SLC9A9: variants seen among roughly 807,000 people sequenced by gnomAD.
The protein encoded by SLC9A9 is solute carrier family 9 member A9, also known as sodium/hydrogen exchanger 9.
In SLC9A9, 62 loss-of-function variants were observed where a neutral mutation model predicts 77.8. The observed-to-expected ratio is 0.80, with a 90% confidence interval of 0.65 to 0.98. The LOEUF (loss-of-function observed/expected upper bound fraction) is 0.98, where lower values mean the gene tolerates loss of function less well. Ranked by LOEUF, SLC9A9 falls within the 50% of genes least tolerant of loss-of-function variation. The probability of loss-of-function intolerance (pLI) is 0.00; values close to 1 mark genes in which losing one functional copy is unlikely to be tolerated. For synonymous variants in SLC9A9, 320 were observed against 283.5 expected (o/e 1.13, Z -1.29); for missense variants, 775 against 774.9 (o/e 1.00, Z 0.00).
intron 5 of SLC9A9, among the ~76,000 whole-genome samples, chr3:143,688,645 T>C (rs758161737): frequency 1.2e-4 from 18 of 152,094 alleles, no homozygotes; most frequent in Non-Finnish European, 2.2e-4. Flanking sequence ...AGCAATGACA[T>C]AGTGACCAGG....
Position 143,514,826 on chromosome 3 carries a change from C to T in SLC9A9, c.1090-19378G>A, listed in dbSNP as rs144954103. On this transcript the variant is annotated intron_variant, in intron 9 of 15. Coordinates refer to ENST00000316549, the MANE Select transcript of SLC9A9 (RefSeq NM_173653.4). ...TCTATCCAGACCACTAAAACTTTCTCTATATCAGCAGTAAGACTGTTTTGC... is the reference window on the plus strand; with the variant it reads ...TCTATCCAGACCACTAAAACTTTCTTTATATCAGCAGTAAGACTGTTTTGC... Among the ~76,000 whole-genome samples the T allele has an allele frequency of 8.1e-3, 1,233 of 152,298 alleles. 21 individuals carry two copies. Among genetic ancestry groups the T allele is most frequent in the African/African-American group, 0.028 (1,170 of 41,550 alleles).
At chr3:143,396,441 T>A in intron 12 of SLC9A9, among the ~76,000 whole-genome samples, 1 of 152,084 alleles carries the variant, frequency 6.6e-6, no homozygotes, top group East Asian at 1.9e-4. Flanking sequence ...CACAGCCTGT[T>A]GTGGGTTGGG....
intron 11 of SLC9A9, among the ~76,000 whole-genome samples, chr3:143,471,265 T>G (rs2035374080): frequency 6.6e-6 from 1 of 152,224 alleles, no homozygotes; most frequent in South Asian, 2.1e-4. Flanking sequence ...CTATTGTCTA[T>G]GTCCTACCCA....
At chr3:143,310,980 C>T (rs1435859897) in intron 14 of SLC9A9, among the ~76,000 whole-genome samples, 1 of 152,134 alleles carries the variant, frequency 6.6e-6, no homozygotes, top group Admixed American at 6.6e-5. Context: ...AGGAAGTAGG[C>T]GCCCAGAAAG....
chr3:143,755,822 T>C (rs1477127410), intron 4 of SLC9A9, among the ~76,000 whole-genome samples: 1 of 151,974 alleles, frequency 6.6e-6, no homozygotes, highest in Non-Finnish European at 1.5e-5. Flanking sequence ...TATGTACAAA[T>C]GCATGTGTGT....
chr3:143,673,854 T>C (rs2039195749), intron 5 of SLC9A9, among the ~76,000 whole-genome samples: 1 of 152,082 alleles, frequency 6.6e-6, no homozygotes, highest in South Asian at 2.1e-4. Flanking sequence ...TAAATATAAT[T>C]TTATTAATTT....
At chr3:143,751,552 T>G (rs2006717620) in intron 4 of SLC9A9, among the ~76,000 whole-genome samples, 1 of 152,054 alleles carries the variant, frequency 6.6e-6, no homozygotes, top group African/African-American at 2.4e-5. Context: ...CCCCACTCCT[T>G]GGGGTCAGCT....
chr3:143,540,762 A>C (rs1343463657), intron 9 of SLC9A9, among the ~76,000 whole-genome samples: 1 of 152,168 alleles, frequency 6.6e-6, no homozygotes, highest in Non-Finnish European at 1.5e-5. Context: ...AGACTATAAA[A>C]TCTGATTAAT....
At chr3:143,728,120 G>A (rs549668844) in intron 4 of SLC9A9, among the ~76,000 whole-genome samples, 1 of 152,288 alleles carries the variant, frequency 6.6e-6, no homozygotes, top group South Asian at 2.1e-4. Context: ...CATTTCTAAG[G>A]ACAGCAACTA....
chr3:143,606,362 G>A (rs578000568), intron 6 of SLC9A9, among the ~76,000 whole-genome samples: 1 of 148,964 alleles, frequency 6.7e-6, no homozygotes, highest in South Asian at 2.1e-4. Flanking sequence ...AGTGAGCTGA[G>A]GTGGTGCCAC....
intron 14 of SLC9A9, among the ~76,000 whole-genome samples, chr3:143,338,072 C>CA (rs1299800432): frequency 1.3e-5 from 2 of 152,274 alleles, no homozygotes; most frequent in Admixed American, 1.3e-4. Context: ...AACATATACT[C>CA]ACATATCTTT....
rs1209589283 is a variant in SLC9A9, at chr3:143,563,966, A to G, written c.1000+10122T>C. Among the ~76,000 whole-genome samples the G allele has an allele frequency of 2.0e-5, 3 of 152,136 alleles. No individual in the cohort carries two copies. The East Asian group carries it at 5.8e-4, about 29-fold the overall frequency. ...CTTGACCTCTATCTCCTCAAGAGCT[A>G]GGTTCCTGACCTGCTGTCTTATCGC... is the stretch of plus-strand genomic sequence containing the variant. On this transcript the variant is annotated intron_variant, in intron 8 of 15. Transcript: ENST00000316549.
intron 12 of SLC9A9, among the ~76,000 whole-genome samples, chr3:143,401,934 G>A (rs1259050351): frequency 6.6e-6 from 1 of 152,154 alleles, no homozygotes; most frequent in Non-Finnish European, 1.5e-5. Flanking sequence ...CTTTCTAGAA[G>A]CTGAAATTCT....
chr3:143,552,526 T>C, intron 8 of SLC9A9, 76 bp from the exon 9 acceptor site: 1 of 1,227,852 alleles, frequency 8.1e-7, no homozygotes, highest in South Asian at 1.2e-5. Flanking sequence ...CTATTCCAGT[T>C]GGAAAATAGA....
At chr3:143,300,550 C>T (rs1472672268) in intron 14 of SLC9A9, among the ~76,000 whole-genome samples, 1 of 152,148 alleles carries the variant, frequency 6.6e-6, no homozygotes, top group Admixed American at 6.5e-5. Context: ...ATTCAGTAGG[C>T]CTGGGGTGGG....
At chr3:143,346,273 T>C (rs2032271301) in intron 14 of SLC9A9, among the ~76,000 whole-genome samples, 1 of 152,148 alleles carries the variant, frequency 6.6e-6, no homozygotes. Flanking sequence ...GTCCAGATGA[T>C]TAAACAATGG....
chr3:143,557,821 A>G (rs62269794), intron 8 of SLC9A9, among the ~76,000 whole-genome samples: 2 of 152,170 alleles, frequency 1.3e-5, no homozygotes, highest in African/African-American at 4.8e-5. Context: ...CAAAACAGAA[A>G]ACATTGGAAA....
intron 14 of SLC9A9, among the ~76,000 whole-genome samples, chr3:143,333,650 A>G (rs2031840901): frequency 7.0e-6 from 1 of 143,634 alleles, no homozygotes; most frequent in African/African-American, 2.7e-5. Context: ...CCTAGCAACA[A>G]AGAATGCCAA....
At chr3:143,444,240 G>T (rs1369721559) in intron 12 of SLC9A9, among the ~76,000 whole-genome samples, 1 of 152,204 alleles carries the variant, frequency 6.6e-6, no homozygotes, top group African/African-American at 2.4e-5. Flanking sequence ...TTGGCCAGAT[G>T]CCTAGATTTC....
Sources: allele counts gnomAD v4.1 joint callset (sites outside exome capture counted in the v4.1 genomes callset), GRCh38; gene constraint gnomAD v4.1.1; transcripts MANE v1.5; gene names NCBI Gene and HGNC (gene_info 2026-07-23, HGNC 2026-07-21).